The following IPCEF1 variants were observed in gnomAD, a reference collection of about 807,000 sequenced individuals.
IPCEF1 encodes interactor protein for cytohesin exchange factors 1.
In IPCEF1, 31 loss-of-function variants were observed where a neutral mutation model predicts 50.9. That is an observed-to-expected ratio of 0.61 (90% CI 0.46 to 0.82). The LOEUF is 0.82. Among genes scored for constraint, IPCEF1 ranks in the 40% least tolerant of loss-of-function variants. The pLI, the probability that IPCEF1 is intolerant of heterozygous loss-of-function variation, is 0.00. For synonymous variants in IPCEF1, 181 were observed against 192.0 expected (o/e 0.94, Z 0.47); for missense variants, 458 against 514.0 (o/e 0.89, Z 1.05).
chr6:154,284,195 A>C (rs1476949891), intron 2 of IPCEF1, among the ~76,000 whole-genome samples: 3 of 152,232 alleles, frequency 2.0e-5, no homozygotes, highest in African/African-American at 4.8e-5. Context: ...CTTCTTCATA[A>C]TCCTTTTTCA....
chr6:154,171,926 C>T (rs1200395899), intron 10 of IPCEF1, among the ~76,000 whole-genome samples: 1 of 152,102 alleles, frequency 6.6e-6, no homozygotes, highest in Non-Finnish European at 1.5e-5. Flanking sequence ...GCTTTCAATA[C>T]CACAGTATTT....
intron 5 of IPCEF1, among the ~76,000 whole-genome samples, chr6:154,237,689 G>A (rs773845665): frequency 2.0e-5 from 3 of 152,094 alleles, no homozygotes; most frequent in Non-Finnish European, 4.4e-5. Flanking sequence ...TCATAATAAA[G>A]TACAGGATTA....
chr6:154,197,239 A>T (rs188105602), intron 10 of IPCEF1, among the ~76,000 whole-genome samples: 19 of 152,362 alleles, frequency 1.2e-4, no homozygotes, highest in African/African-American at 4.6e-4. Flanking sequence ...CACAAAAATG[A>T]AAAGCTACCT....
intron 4 of IPCEF1, 163 bp downstream of exon 4, chr6:154,247,286 T>G: frequency 1.7e-6 from 1 of 592,732 alleles, no homozygotes. Context: ...ATGTCGTCAT[T>G]TCTTAAAATC....
chr6:154,159,815 C>T lies in IPCEF1; in HGVS notation c.*13G>A, dbSNP rs1798861967. ...TGTGATAAAATATAAGAGGAGAAAA[C>T]CCTGACTTTGTCTCAAATGGAATTT... On this transcript the variant is annotated 3_prime_UTR_variant, in exon 12 of 12. Transcript: ENST00000367220. 3.8e-6 allele frequency: 6 copies of T among 1,596,274 alleles called. No homozygotes were observed. Among genetic ancestry groups the T allele is most frequent in the Non-Finnish European group, 5.1e-6 (6 of 1,166,948 alleles).
intron 1 of IPCEF1, among the ~76,000 whole-genome samples, chr6:154,295,032 A>T (rs1046617262): frequency 1.3e-5 from 2 of 152,130 alleles, no homozygotes; most frequent in African/African-American, 4.8e-5. Flanking sequence ...GCCCGTCTCT[A>T]CTAAAAATAC....
chr6:154,195,755 T>C (rs1776564126), intron 10 of IPCEF1, among the ~76,000 whole-genome samples: 1 of 151,918 alleles, frequency 6.6e-6, no homozygotes, highest in Admixed American at 6.6e-5. Flanking sequence ...CATTAGGTGT[T>C]AACATTTTTT....
chr6:154,248,445 A>C (rs1781238051), intron 3 of IPCEF1, among the ~76,000 whole-genome samples: 1 of 152,130 alleles, frequency 6.6e-6, no homozygotes, highest in African/African-American at 2.4e-5. Flanking sequence ...TTCCGTTAAC[A>C]GGTAGAGAAC....
chr6:154,274,315 C>T (rs555053889), intron 2 of IPCEF1, among the ~76,000 whole-genome samples: 1 of 152,268 alleles, frequency 6.6e-6, no homozygotes, highest in African/African-American at 2.4e-5. Flanking sequence ...CATAAAAATA[C>T]TGCAATCCAT....
At chr6:154,349,603 T>A (rs1784089259) in intron 1 of IPCEF1, among the ~76,000 whole-genome samples, 1 of 152,038 alleles carries the variant, frequency 6.6e-6, no homozygotes, top group African/African-American at 2.4e-5. Context: ...TAGACTAAGG[T>A]TCAGTCTCTA....
intron 1 of IPCEF1, among the ~76,000 whole-genome samples, chr6:154,338,863 A>G (rs577923757): frequency 6.6e-6 from 1 of 152,278 alleles, no homozygotes; most frequent in East Asian, 1.9e-4. Flanking sequence ...TGGAGGTTGC[A>G]GTGAGCTGAG....
In IPCEF1 at chr6:154,217,824, A is replaced by T. The variant is rs566093853; in HGVS notation, c.392+3433T>A. 2.0e-5 allele frequency among the ~76,000 whole-genome samples: 3 copies of T among 152,334 alleles called. No homozygotes were observed. The East Asian group carries it at 5.8e-4, about 29-fold the overall frequency. ...AGTGAAATAGGGAAAATATTTTTTTAAAGAGACAAAAAAATTGTTTTCACT... is the reference window on the plus strand; with the variant it reads ...AGTGAAATAGGGAAAATATTTTTTTTAAGAGACAAAAAAATTGTTTTCACT... On this transcript the variant is annotated intron_variant, in intron 7 of 11. Transcript: ENST00000367220.
At chr6:154,298,689 C>T (rs561863094) in intron 1 of IPCEF1, among the ~76,000 whole-genome samples, 7 of 152,244 alleles carry the variant, frequency 4.6e-5, no homozygotes, top group South Asian at 2.1e-4. Flanking sequence ...TATGGCTGGG[C>T]GCAGTGGCTC....
At chr6:154,178,654 T>C (rs750313720) in intron 10 of IPCEF1, among the ~76,000 whole-genome samples, 42 of 152,176 alleles carry the variant, frequency 2.8e-4, no homozygotes, top group Admixed American at 5.9e-4. Flanking sequence ...GAAAACAGAA[T>C]TCACCTAAAA....
intron 10 of IPCEF1, among the ~76,000 whole-genome samples, chr6:154,195,013 C>T (rs1776470931): frequency 6.6e-6 from 1 of 151,794 alleles, no homozygotes; most frequent in African/African-American, 2.4e-5. Context: ...CTGCAGAACC[C>T]CTCATCTCCC....
chr6:154,260,928 A>G (rs549277691), intron 3 of IPCEF1, among the ~76,000 whole-genome samples: 60 of 152,348 alleles, frequency 3.9e-4, no homozygotes, highest in Middle Eastern at 3.4e-3. Flanking sequence ...AGGAAACTTT[A>G]TCAATATCAA....
At position 154,251,068 on chromosome 6, in the gene IPCEF1, T is replaced by G. The variant is rs572629192; in HGVS notation, c.37-3580A>C. On this transcript the variant is annotated intron_variant, in intron 3 of 11. Transcript: ENST00000367220. ...TTCCCAGAAAAATAGACTCAACTTT[T>G]TAAAGGAGATTCTAAAGCATCCAAT... is the stretch of plus-strand genomic sequence containing the variant. 1.5e-4 allele frequency among the ~76,000 whole-genome samples: 23 copies of G among 152,276 alleles called. 3 individuals are homozygous for G. Among genetic ancestry groups the G allele is most frequent in the South Asian group, 6.2e-4 (3 of 4,824 alleles).
At chr6:154,212,989 C>G in intron 8 of IPCEF1, 134 bp from the exon 9 acceptor site, 2 of 669,248 alleles carry the variant, frequency 3.0e-6, no homozygotes, top group South Asian at 3.6e-5. Context: ...AATGAACTAC[C>G]TGGTAACTAC....
chr6:154,262,479 A>G (rs1366554252), intron 3 of IPCEF1, among the ~76,000 whole-genome samples: 2 of 152,244 alleles, frequency 1.3e-5, no homozygotes, highest in Non-Finnish European at 1.5e-5. Flanking sequence ...TGCCTGATGC[A>G]TGATAGAATC....
Sources: gnomAD v4.1 joint callset for allele counts (sites outside exome capture counted in the v4.1 genomes callset) on GRCh38, gnomAD v4.1.1 for gene constraint, MANE v1.5 for transcripts, NCBI Gene and HGNC (gene_info 2026-07-23, HGNC 2026-07-21) for gene names.